Variants in CADPS observed in about 807,000 individuals in gnomAD.
CADPS encodes the protein calcium-dependent secretion activator 1.
In CADPS, 57 loss-of-function variants were observed where a neutral mutation model predicts 167.3. The observed-to-expected ratio is 0.34, with a 90% CI of 0.28 to 0.42. The LOEUF (loss-of-function observed/expected upper bound fraction) is 0.42. Ranked by LOEUF, CADPS falls within the 20% of genes least tolerant of loss-of-function variation. The pLI is 1.00. For synonymous variants in CADPS, 676 were observed against 635.3 expected (o/e 1.06, Z -0.96); for missense variants, 1,414 against 1,738.1 (o/e 0.81, Z 3.32).
intron 21 of CADPS, among the ~76,000 whole-genome samples, chr3:62,482,703 G>A (rs898179289): frequency 7.9e-5 from 12 of 152,190 alleles, no homozygotes; most frequent in African/African-American, 2.9e-4. Context: ...CCTTGGAAGT[G>A]GGACAGACAC....
At chr3:62,815,817 C>G (rs1345608046) in intron 1 of CADPS, among the ~76,000 whole-genome samples, 5 of 152,026 alleles carry the variant, frequency 3.3e-5, no homozygotes, top group Non-Finnish European at 7.4e-5. Flanking sequence ...TCCTGCACTC[C>G]CTAGGTCCAG....
At chr3:62,480,753 A>C (rs1292346109) in intron 22 of CADPS, among the ~76,000 whole-genome samples, 2 of 152,206 alleles carry the variant, frequency 1.3e-5, no homozygotes, top group African/African-American at 4.8e-5. Context: ...CTGGTCCGTA[A>C]TTAGCTGTGG....
Position 62,571,641 on chromosome 3 carries a change from C to T in CADPS, c.1578-703G>A, listed in dbSNP as rs192495906. 2.2e-4 allele frequency among the ~76,000 whole-genome samples: 34 copies of T among 151,766 alleles called. No individual in the cohort carries two copies. The East Asian group carries it at 6.2e-3, about 28-fold the overall frequency. On this transcript the variant is annotated intron_variant, in intron 8 of 29. Coordinates refer to ENST00000383710, the MANE Select transcript of CADPS (RefSeq NM_003716.4). ...GTGCAATGGTGTGATCTCAGCTCAC[C>T]GCAACCTCCTCCTCCTGGGTTCAAG... is the stretch of plus-strand genomic sequence containing the variant.
chr3:62,425,432 C>G (rs1414396674), intron 28 of CADPS, among the ~76,000 whole-genome samples: 1 of 152,082 alleles, frequency 6.6e-6, no homozygotes, highest in African/African-American at 2.4e-5. Flanking sequence ...GGTTCTTGAC[C>G]AGATTAAACT....
intron 3 of CADPS, among the ~76,000 whole-genome samples, chr3:62,700,933 G>C (rs539640261): frequency 6.6e-6 from 1 of 152,088 alleles, no homozygotes; most frequent in Non-Finnish European, 1.5e-5. Flanking sequence ...TGCCAGCATG[G>C]TCAGGATCTG....
chr3:62,873,359 C>A (rs2082978478), intron 1 of CADPS, among the ~76,000 whole-genome samples: 1 of 152,238 alleles, frequency 6.6e-6, no homozygotes, highest in African/African-American at 2.4e-5. Flanking sequence ...TCACTATTTT[C>A]AGACACTAGT....
At chr3:62,828,100 C>T (rs927746541) in intron 1 of CADPS, among the ~76,000 whole-genome samples, 41 of 152,192 alleles carry the variant, frequency 2.7e-4, no homozygotes, top group African/African-American at 9.4e-4. Context: ...GGTGGGTTCC[C>T]AACCATTAAA....
chr3:62,518,043 T>G (rs2069429151), intron 14 of CADPS, 106 bp downstream of exon 14: 2 of 757,966 alleles, frequency 2.6e-6, no homozygotes, highest in Non-Finnish European at 4.6e-6. Flanking sequence ...TTTCTAAATA[T>G]CCAATGTATC....
chr3:62,794,555 G>A (rs1297147922), intron 1 of CADPS, among the ~76,000 whole-genome samples: 3 of 152,114 alleles, frequency 2.0e-5, no homozygotes, highest in African/African-American at 7.2e-5. Flanking sequence ...TGCATAAGAT[G>A]TTTGATATAG....
intron 17 of CADPS, among the ~76,000 whole-genome samples, chr3:62,504,877 C>A (rs1220227956): frequency 1.3e-5 from 2 of 152,098 alleles, no homozygotes; most frequent in Non-Finnish European, 2.9e-5. Flanking sequence ...TCCAATTAGC[C>A]CTTAAATAAC....
At chr3:62,722,807 T>C (rs1400621907) in intron 3 of CADPS, among the ~76,000 whole-genome samples, 1 of 152,104 alleles carries the variant, frequency 6.6e-6, no homozygotes, top group Non-Finnish European at 1.5e-5. Flanking sequence ...GTAATTGTTT[T>C]TTGTGGGGGT....
At chr3:62,598,126 C>T (rs1022059599) in intron 6 of CADPS, among the ~76,000 whole-genome samples, 5 of 152,072 alleles carry the variant, frequency 3.3e-5, no homozygotes, top group Non-Finnish European at 5.9e-5. Flanking sequence ...AACACAAGCT[C>T]GAAGATAAAA....
chr3:62,767,908 C>T (rs957826744), intron 1 of CADPS, among the ~76,000 whole-genome samples: 16 of 152,144 alleles, frequency 1.1e-4, no homozygotes, highest in Non-Finnish European at 1.5e-4. Flanking sequence ...AGACAGTTTA[C>T]GTTTAAAAAA....
intron 2 of CADPS, among the ~76,000 whole-genome samples, chr3:62,763,740 C>T (rs1407876953): frequency 1.3e-5 from 2 of 152,180 alleles, no homozygotes; most frequent in Non-Finnish European, 2.9e-5. Context: ...GAGGATTAGA[C>T]TTCCCTGGAA....
chr3:62,734,107 A>C (rs1357924768), intron 3 of CADPS, among the ~76,000 whole-genome samples: 3 of 152,146 alleles, frequency 2.0e-5, no homozygotes, highest in African/African-American at 7.2e-5. Context: ...ATGCATATGC[A>C]TGTGTCTTTT....
intron 18 of CADPS, chr3:62,498,073 G>C (rs1039440158): frequency 6.6e-6 from 3 of 455,140 alleles, no homozygotes; most frequent in African/African-American, 4.0e-5. Context: ...AGTCCCATTA[G>C]AAGACATGGT....
At chr3:62,667,108 A>T (rs529287662) in intron 3 of CADPS, among the ~76,000 whole-genome samples, 1 of 144,794 alleles carries the variant, frequency 6.9e-6, no homozygotes, top group South Asian at 2.2e-4. Context: ...TCTGAACCTC[A>T]GTTTCCTTAT....
intron 13 of CADPS, 31 bp downstream of exon 13, chr3:62,532,840 A>T (rs17066532): frequency 0.017 from 27,014 of 1,597,512 alleles, 566 homozygotes; most frequent in Middle Eastern, 0.093. Flanking sequence ...TTTCTTAAGG[A>T]TCACCTCTAG....
chr3:62,645,168 G>A (rs957206674), intron 6 of CADPS, among the ~76,000 whole-genome samples: 1 of 152,150 alleles, frequency 6.6e-6, no homozygotes, highest in Non-Finnish European at 1.5e-5. Flanking sequence ...AAAGGAATAA[G>A]AATGATACAA....
Sources: gnomAD v4.1 joint callset for allele counts (sites outside exome capture counted in the v4.1 genomes callset) on GRCh38, gnomAD v4.1.1 for gene constraint, MANE v1.5 for transcripts, NCBI Gene and HGNC (gene_info 2026-07-23, HGNC 2026-07-21) for gene names.